Variants in PPM1H observed in about 807,000 individuals in gnomAD.
PPM1H encodes the protein protein phosphatase, Mg2+/Mn2+ dependent 1H.
PPM1H carries 27 observed loss-of-function variants against 54.9 expected under a neutral mutation model. The ratio of observed to expected loss-of-function variants is 0.49; its 90% CI spans 0.36 to 0.68. The LOEUF (loss-of-function observed/expected upper bound fraction) is 0.68, where lower values mean the gene tolerates loss of function less well. PPM1H is among the 30% of genes least tolerant of loss of function. The pLI, the probability that PPM1H is intolerant of heterozygous loss-of-function variation, is 0.00. For missense variants in PPM1H, 596 were observed against 667.8 expected (o/e 0.89, Z 1.19); for synonymous variants, 305 against 270.8 (o/e 1.13, Z -1.24).
At chr12:62,908,191 G>T (rs1186448068) in intron 1 of PPM1H, among the ~76,000 whole-genome samples, 2 of 152,006 alleles carry the variant, frequency 1.3e-5, no homozygotes, top group Admixed American at 6.6e-5. Flanking sequence ...AGGGTGGGCG[G>T]ATCACCTGAG....
intron 4 of PPM1H, among the ~76,000 whole-genome samples, chr12:62,770,731 A>G (rs953066013): frequency 6.6e-6 from 1 of 152,172 alleles, no homozygotes; most frequent in Non-Finnish European, 1.5e-5. Context: ...GCAAAACAGG[A>G]GTGAAAAGCG....
chr12:62,713,045 GAAT>G (rs2076215788), intron 6 of PPM1H, among the ~76,000 whole-genome samples: 1 of 152,178 alleles, frequency 6.6e-6, no homozygotes, highest in South Asian at 2.1e-4. Flanking sequence ...GAGCAATAAA[GAAT>G]AAGATAGAAG....
chr12:62,831,728 T>TGTGTGTGA (rs1380285309), intron 2 of PPM1H, among the ~76,000 whole-genome samples: 2 of 151,172 alleles, frequency 1.3e-5, no homozygotes, highest in South Asian at 4.2e-4. Context: ...TGTGTGTGTG[T>TGTGTGTGA]GAGTGTGTGT....
intron 6 of PPM1H, among the ~76,000 whole-genome samples, chr12:62,706,472 C>A (rs935401407): frequency 6.6e-6 from 1 of 152,238 alleles, no homozygotes; most frequent in Non-Finnish European, 1.5e-5. Flanking sequence ...TCTGCTGTCA[C>A]CTCACGCCCA....
Position 62,713,053 on chromosome 12 carries a change from T to C in PPM1H, c.1073+7118A>G, listed in dbSNP as rs548131330. Among the ~76,000 whole-genome samples, 4 of 152,342 alleles carry C rather than the reference T, an allele frequency of 2.6e-5. No homozygotes were observed. In the East Asian group the frequency reaches 5.8e-4, roughly 22 times the overall value. On this transcript the variant is annotated intron_variant, in intron 6 of 9. Coordinates refer to ENST00000228705, the MANE Select transcript of PPM1H (RefSeq NM_020700.2). ...TTGAAGAGAGCAATAAAGAATAAGA[T>C]AGAAGCTGTATCTATATTTGTAAAA...
intron 4 of PPM1H, among the ~76,000 whole-genome samples, chr12:62,752,076 T>C (rs1451480725): frequency 6.6e-6 from 1 of 152,230 alleles, no homozygotes; most frequent in African/African-American, 2.4e-5. Context: ...AAATGAAAAG[T>C]AATCAAAGTT....
intron 5 of PPM1H, among the ~76,000 whole-genome samples, chr12:62,732,372 C>G (rs1027677505): frequency 6.6e-6 from 1 of 152,170 alleles, no homozygotes; most frequent in Non-Finnish European, 1.5e-5. Flanking sequence ...TCCATAATCC[C>G]CGAATGTCCA....
intron 4 of PPM1H, among the ~76,000 whole-genome samples, chr12:62,757,038 A>G (rs1433919419): frequency 1.3e-5 from 2 of 152,198 alleles, no homozygotes; most frequent in East Asian, 1.9e-4. Context: ...GTGGATGACC[A>G]GAAAATGGCA....
At chr12:62,690,691 G>T (rs1002323415) in intron 7 of PPM1H, among the ~76,000 whole-genome samples, 3 of 152,224 alleles carry the variant, frequency 2.0e-5, no homozygotes, top group Non-Finnish European at 4.4e-5. Flanking sequence ...GAAACTTGGG[G>T]CCACGTGCGG....
chr12:62,834,508 T>A (rs1455822577), intron 1 of PPM1H, among the ~76,000 whole-genome samples: 1 of 152,136 alleles, frequency 6.6e-6, no homozygotes, highest in Non-Finnish European at 1.5e-5. Flanking sequence ...GGGACATCAG[T>A]CTGTGACAGG....
Position 62,934,766 on chromosome 12 carries a change from G to T in PPM1H, c.-30C>A. 6.8e-7 allele frequency: 1 copy of T among 1,477,614 alleles called. No individual in the cohort carries two copies. Among genetic ancestry groups the T allele is most frequent in the Non-Finnish European group, 9.0e-7 (1 of 1,110,984 alleles). 91.5% of individuals were successfully genotyped at this position (1,477,614 alleles called of 1,614,324 possible). A position where few individuals can be genotyped will look rare whatever the true frequency, so the allele number is the denominator to read the frequency against. On this transcript the variant is annotated 5_prime_UTR_variant, in exon 1 of 10. The change creates a premature stop within an existing upstream ORF in the 5' untranslated region. Coordinates refer to ENST00000228705, the MANE Select transcript of PPM1H (RefSeq NM_020700.2). This position sits in a 1 kb window ranked among gnomAD's most constrained non-coding sequence, Gnocchi z 4.2. ...CTCCGGCGCCCGGCTGCAGCGGTGC[G>T]AGCAGGAGGCGGCGGGGGCCGGGCA...
At chr12:62,656,043 C>T (rs772651648) in intron 9 of PPM1H, among the ~76,000 whole-genome samples, 38 of 152,304 alleles carry the variant, frequency 2.5e-4, no homozygotes, top group African/African-American at 5.8e-4. Flanking sequence ...GGCTGAAGAG[C>T]GATGGGAAGG....
chr12:62,858,088 C>T (rs1456340403), intron 1 of PPM1H, among the ~76,000 whole-genome samples: 2 of 151,874 alleles, frequency 1.3e-5, no homozygotes, highest in Non-Finnish European at 2.9e-5. Flanking sequence ...ACCCCATCAC[C>T]CCACCACGCC....
Position 62,702,642 on chromosome 12 carries a change from G to A in PPM1H, c.1074-8643C>T, listed in dbSNP as rs574667122. ...GCAAGACTTCAAAGTCATTTAAGAG[G>A]AACGAGAGGAACGTGATCCCCTCCG... On this transcript the variant is annotated intron_variant, in intron 6 of 9. Coordinates refer to ENST00000228705, the MANE Select transcript of PPM1H (RefSeq NM_020700.2). Among the ~76,000 whole-genome samples the A allele has an allele frequency of 2.7e-4, 41 of 151,510 alleles. No homozygotes were observed. The East Asian group carries it at 7.6e-3, about 28-fold the overall frequency.
intron 4 of PPM1H, among the ~76,000 whole-genome samples, chr12:62,739,380 AAC>A (rs1438764522): frequency 2.6e-5 from 4 of 152,194 alleles, no homozygotes; most frequent in African/African-American, 4.8e-5. Flanking sequence ...AGGATGGAGA[AAC>A]ACAGGAGAAT....
At chr12:62,805,207 G>A (rs532619470) in intron 2 of PPM1H, among the ~76,000 whole-genome samples, 2 of 152,224 alleles carry the variant, frequency 1.3e-5, no homozygotes, top group East Asian at 1.9e-4. Context: ...TCAAAAAAAC[G>A]AGACAAGTGT....
Position 62,934,219 on chromosome 12 carries a change from C to A in PPM1H, c.245+273G>T, listed in dbSNP as rs1447154827. On this transcript the variant is annotated intron_variant, in intron 1 of 9. Coordinates refer to ENST00000228705, the MANE Select transcript of PPM1H (RefSeq NM_020700.2). This position sits in a 1 kb window ranked among gnomAD's most constrained non-coding sequence, Gnocchi z 4.2. ...TGACAGAGACCCCGGATTCACAGAC[C>A]TGTCTCACCTTAGCTTTCCCACGCT... Among the ~76,000 whole-genome samples, 1 of 152,194 alleles carries A rather than the reference C, an allele frequency of 6.6e-6. No homozygotes were observed. Among genetic ancestry groups the A allele is most frequent in the Non-Finnish European group, 1.5e-5 (1 of 68,030 alleles).
At chr12:62,921,744 T>A (rs1871807186) in intron 1 of PPM1H, among the ~76,000 whole-genome samples, 1 of 152,088 alleles carries the variant, frequency 6.6e-6, no homozygotes, top group Non-Finnish European at 1.5e-5. Flanking sequence ...TGAACAGCTA[T>A]TGCACTCCAG....
At chr12:62,679,254 G>A (rs1260037996) in intron 8 of PPM1H, among the ~76,000 whole-genome samples, 1 of 152,168 alleles carries the variant, frequency 6.6e-6, no homozygotes, top group South Asian at 2.1e-4. Flanking sequence ...CAAAGTGCTG[G>A]GATTACAGGC....
Sources: allele counts gnomAD v4.1 joint callset (sites outside exome capture counted in the v4.1 genomes callset), GRCh38; gene constraint gnomAD v4.1.1; non-coding constraint Gnocchi (gnomAD v3.1); transcripts MANE v1.5; gene names NCBI Gene and HGNC (gene_info 2026-07-23, HGNC 2026-07-21).